Variants in MAML2 observed in about 807,000 individuals in gnomAD.
The protein encoded by MAML2 is mastermind-like protein 2.
In MAML2, 22 loss-of-function variants were observed where a neutral mutation model predicts 96.1. That is an observed-to-expected ratio of 0.23 (90% CI 0.16 to 0.33). The LOEUF (loss-of-function observed/expected upper bound fraction) is 0.33, where lower values mean the gene tolerates loss of function less well. MAML2 is among the 10% of genes least tolerant of loss of function. The pLI is 1.00. For synonymous variants in MAML2, 561 were observed against 521.3 expected (o/e 1.08, Z -1.04); for missense variants, 1,367 against 1,392.4 (o/e 0.98, Z 0.29).
At chr11:96,138,896 T>C (rs569607691) in intron 1 of MAML2, among the ~76,000 whole-genome samples, 1 of 152,334 alleles carries the variant, frequency 6.6e-6, no homozygotes, top group East Asian at 1.9e-4. Context: ...GGGCAGATGC[T>C]TGTCTTCTAC....
intron 2 of MAML2, among the ~76,000 whole-genome samples, chr11:96,002,192 C>T (rs1858088156): frequency 6.6e-6 from 1 of 152,142 alleles, no homozygotes; most frequent in Non-Finnish European, 1.5e-5. Flanking sequence ...AAGGCTGGGA[C>T]ATGTTCATTG....
chr11:96,037,640 C>T (rs773910013), intron 2 of MAML2, among the ~76,000 whole-genome samples: 5 of 152,130 alleles, frequency 3.3e-5, no homozygotes, highest in African/African-American at 4.8e-5. Context: ...TCAGAGAGGA[C>T]GTGCAAAGGG....
At chr11:96,147,082 CATT>C (rs902897886) in intron 1 of MAML2, among the ~76,000 whole-genome samples, 17 of 152,168 alleles carry the variant, frequency 1.1e-4, no homozygotes, top group Non-Finnish European at 2.2e-4. Context: ...GTGTCAAACT[CATT>C]GTAGTGTACT....
At chr11:96,234,269 G>A (rs1447001264) in intron 1 of MAML2, among the ~76,000 whole-genome samples, 1 of 152,116 alleles carries the variant, frequency 6.6e-6, no homozygotes, top group Non-Finnish European at 1.5e-5. Context: ...GTCACCTAAG[G>A]TCAGGAGTTC....
At chr11:96,291,096 G>C in intron 1 of MAML2, among the ~76,000 whole-genome samples, 1 of 126,932 alleles carries the variant, frequency 7.9e-6, no homozygotes, top group Non-Finnish European at 1.7e-5. Context: ...TGTGACATCT[G>C]TGTTAGTTTT....
chr11:95,987,130 A>C (rs1452045467), intron 3 of MAML2, among the ~76,000 whole-genome samples: 1 of 152,232 alleles, frequency 6.6e-6, no homozygotes, highest in East Asian at 1.9e-4. Context: ...GTCACAAAGT[A>C]AAGTCAATTC....
At chr11:96,067,673 G>T (rs896515126) in intron 2 of MAML2, among the ~76,000 whole-genome samples, 1 of 151,962 alleles carries the variant, frequency 6.6e-6, no homozygotes, top group Non-Finnish European at 1.5e-5. Context: ...TTTGTTATGA[G>T]AAATCTACTG....
chr11:96,029,789 T>C (rs947045008), intron 2 of MAML2, among the ~76,000 whole-genome samples: 8 of 152,176 alleles, frequency 5.3e-5, no homozygotes, highest in Non-Finnish European at 1.0e-4. Flanking sequence ...AAATGAAAGA[T>C]TTCAGGTGCT....
chr11:96,079,715 G>C (rs1007687000), intron 2 of MAML2, among the ~76,000 whole-genome samples: 1 of 152,166 alleles, frequency 6.6e-6, no homozygotes, highest in African/African-American at 2.4e-5. Context: ...CACGCCCTTG[G>C]TCAGGAAGCG....
At chr11:96,274,863 A>G (rs1862965409) in intron 1 of MAML2, among the ~76,000 whole-genome samples, 1 of 152,202 alleles carries the variant, frequency 6.6e-6, no homozygotes, top group South Asian at 2.1e-4. Context: ...TACCCTAGAG[A>G]TCACTACTGT....
intron 1 of MAML2, among the ~76,000 whole-genome samples, chr11:96,214,360 C>T (rs1044806523): frequency 1.3e-5 from 2 of 152,264 alleles, no homozygotes; most frequent in South Asian, 4.1e-4. Flanking sequence ...ATCCAAGTTA[C>T]GTAACTTTTC....
chr11:96,165,657 C>T lies in MAML2; in HGVS notation c.514-72140G>A, dbSNP rs147679590. Among the ~76,000 whole-genome samples the T allele has an allele frequency of 5.0e-4, 76 of 152,160 alleles. 1 individual carries two copies. Among genetic ancestry groups the T allele is most frequent in the African/African-American group, 1.8e-3 (76 of 41,514 alleles). ...GAATTGCTGGGTGGGTCAAAGATTA[C>T]GAATATTTTTAAGGTTTTTGATACA... On this transcript the variant is annotated intron_variant, in intron 1 of 4. Transcript: ENST00000524717.
intron 2 of MAML2, among the ~76,000 whole-genome samples, chr11:96,029,447 T>C (rs1163682168): frequency 6.6e-6 from 1 of 152,186 alleles, no homozygotes; most frequent in African/African-American, 2.4e-5. Flanking sequence ...AAAGAGATTC[T>C]TTACCAATGT....
At chr11:96,019,947 G>C (rs999220604) in intron 2 of MAML2, among the ~76,000 whole-genome samples, 1 of 152,126 alleles carries the variant, frequency 6.6e-6, no homozygotes, top group Non-Finnish European at 1.5e-5. Context: ...TTGTCCCTCT[G>C]AGTCTCCTAG....
chr11:96,019,413 G>A (rs767527144), intron 2 of MAML2, among the ~76,000 whole-genome samples: 4 of 151,894 alleles, frequency 2.6e-5, no homozygotes, highest in Non-Finnish European at 5.9e-5. Context: ...CCTTGCAACA[G>A]GAAGCTATTA....
At chr11:96,182,726 G>A (rs1350730489) in intron 1 of MAML2, among the ~76,000 whole-genome samples, 1 of 152,066 alleles carries the variant, frequency 6.6e-6, no homozygotes, top group Non-Finnish European at 1.5e-5. Context: ...GCTAGTAAGA[G>A]GGCATACCTG....
rs138920857 is a variant in MAML2, at chr11:95,992,074, A to G, written c.2140-351T>C. Among the ~76,000 whole-genome samples, 429 of 152,330 alleles carry G rather than the reference A, an allele frequency of 2.8e-3. 2 individuals carry two copies. Among genetic ancestry groups the G allele is most frequent in the Non-Finnish European group, 4.5e-3 (304 of 68,032 alleles). On this transcript the variant is annotated intron_variant, in intron 2 of 4. Transcript: ENST00000524717. ...TCAGGAATAAACATCATAACCTAAC[A>G]AATCCTTCCTTTTCCCAAAGTTAGC... is the stretch of plus-strand genomic sequence containing the variant.
At chr11:96,168,697 A>G (rs1861232143) in intron 1 of MAML2, among the ~76,000 whole-genome samples, 1 of 152,182 alleles carries the variant, frequency 6.6e-6, no homozygotes, top group South Asian at 2.1e-4. Context: ...TCCCCTGCAC[A>G]GGGACTGGAG....
chr11:96,234,213 G>T (rs1862335915), intron 1 of MAML2, among the ~76,000 whole-genome samples: 2 of 152,200 alleles, frequency 1.3e-5, no homozygotes, highest in African/African-American at 4.8e-5. Flanking sequence ...CAGGCATGGT[G>T]GCTCACACCT....
Sources: gnomAD v4.1 joint callset for allele counts (sites outside exome capture counted in the v4.1 genomes callset) on GRCh38, gnomAD v4.1.1 for gene constraint, MANE v1.5 for transcripts, NCBI Gene and HGNC (gene_info 2026-07-23, HGNC 2026-07-21) for gene names.